HLA-F: variants seen among roughly 807,000 people sequenced by gnomAD.
HLA-F encodes major histocompatibility complex, class I, F.
In HLA-F, 46 loss-of-function variants were observed where a neutral mutation model predicts 49.5. The ratio of observed to expected loss-of-function variants is 0.93; its 90% CI spans 0.73 to 1.19. The LOEUF (loss-of-function observed/expected upper bound fraction) is 1.19, where lower values mean the gene tolerates loss of function less well. Among genes scored for constraint, HLA-F ranks in the 50% most tolerant of loss-of-function variants. The pLI is 0.00. For missense variants in HLA-F, 496 were observed against 579.6 expected (o/e 0.86, Z 1.48); for synonymous variants, 203 against 233.5 (o/e 0.87, Z 1.19).
At chr6:29,723,961 C>T (rs746722149) in intron 2 of HLA-F, 34 bp downstream of exon 2, 1 of 1,576,658 alleles carries the variant, frequency 6.3e-7, no homozygotes. Flanking sequence ...CAGGTCACGA[C>T]CACCCCCCAT....
At chr6:29,725,362 A>C (rs1197366556) in intron 4 of HLA-F, 56 bp downstream of exon 4, 5 of 1,611,542 alleles carry the variant, frequency 3.1e-6, no homozygotes, top group Non-Finnish European at 4.2e-6. Context: ...TTCTCAGGGA[A>C]AGCAGGAGCC....
intron 3 of HLA-F, among the ~76,000 whole-genome samples, chr6:29,733,593 C>T (rs1776810612): frequency 6.6e-6 from 1 of 152,204 alleles, no homozygotes; most frequent in Non-Finnish European, 1.5e-5. Context: ...ATAGTCACTT[C>T]TCTCCAGCTT....
chr6:29,723,592 G>A, intron 1 of HLA-F, 65 bp downstream of exon 1: 1 of 1,599,520 alleles, frequency 6.3e-7, no homozygotes, highest in Non-Finnish European at 8.5e-7. Context: ...CCCGGTGGGG[G>A]CGCAGGACTC....
chr6:29,731,164 T>C (rs1056491307), downstream of HLA-F, among the ~76,000 whole-genome samples: 3 of 152,214 alleles, frequency 2.0e-5, no homozygotes, highest in African/African-American at 7.2e-5. Context: ...TGACAGATTC[T>C]ATTTGTTTAT....
chr6:29,727,907 C>G (rs1248064697), downstream of HLA-F: 1 of 504,502 alleles, frequency 2.0e-6, no homozygotes, highest in Admixed American at 2.0e-5. Context: ...CCTGTCTTCT[C>G]CAGCCCCACT....
intron 3 of HLA-F, among the ~76,000 whole-genome samples, chr6:29,732,390 T>G (rs2127596400): frequency 6.6e-6 from 1 of 152,322 alleles, no homozygotes; most frequent in East Asian, 1.9e-4. Flanking sequence ...AGAACTCAGT[T>G]ACATCACCTC....
chr6:29,726,559 A>ATGTGTGTG (rs9278276), intron 6 of HLA-F: 56 of 1,354,328 alleles, frequency 4.1e-5, no homozygotes, highest in East Asian at 5.1e-5. Context: ...ATGCACGTAA[A>ATGTGTGTG]TGTGTGTGTG....
At chr6:29,723,987 CG>C in intron 2 of HLA-F, 60 bp downstream of exon 2, 1 of 1,558,562 alleles carries the variant, frequency 6.4e-7, no homozygotes, top group Non-Finnish European at 8.7e-7. Flanking sequence ...ACGGACCGCC[CG>C]GGTCCCTCAG....
intron 6 of HLA-F, 59 bp from the exon 7 acceptor site, chr6:29,726,824 G>C: frequency 1.3e-6 from 2 of 1,570,744 alleles, no homozygotes; most frequent in South Asian, 1.1e-5. Flanking sequence ...TCTGGTGCTT[G>C]TTGGCTTTAA....
At chr6:29,737,811 T>C (rs1777247635) in intron 3 of HLA-F, 1 of 152,266 alleles carries the variant, frequency 6.6e-6, no homozygotes. Flanking sequence ...CAGGGCTACC[T>C]TACATCTGGG....
downstream of HLA-F, among the ~76,000 whole-genome samples, chr6:29,731,232 C>CATAGATAGATG (rs1776563041): frequency 1.2e-5 from 1 of 81,590 alleles, no homozygotes; most frequent in Admixed American, 1.3e-4. Flanking sequence ...TAGATGGATA[C>CATAGATAGATG]ATAGATAGAT....
intron 3 of HLA-F, among the ~76,000 whole-genome samples, chr6:29,733,297 A>C (rs572955854): frequency 6.6e-6 from 1 of 152,368 alleles, no homozygotes; most frequent in African/African-American, 2.4e-5. Flanking sequence ...AGGAAGGTTC[A>C]ACAATACAAT....
intron 3 of HLA-F, 35 bp downstream of exon 3, chr6:29,724,483 G>A (rs1455388521): frequency 6.2e-7 from 1 of 1,604,870 alleles, no homozygotes; most frequent in South Asian, 1.1e-5. Context: ...CCTATCTCCT[G>A]TAGATCTCTT....
chr6:29,734,736 A>G (rs1776912844), intron 3 of HLA-F, among the ~76,000 whole-genome samples: 1 of 152,154 alleles, frequency 6.6e-6, no homozygotes, highest in Admixed American at 6.5e-5. Context: ...TAGGTTCGCA[A>G]TGTTATGTAG....
downstream of HLA-F, chr6:29,728,470 C>T (rs1418361190): frequency 5.7e-6 from 1 of 174,796 alleles, no homozygotes; most frequent in African/African-American, 2.4e-5. Flanking sequence ...CAAGACACTA[C>T]TCTTCTGCCA....
At chr6:29,729,769 A>G (rs1233065436), downstream of HLA-F, among the ~76,000 whole-genome samples, 1 of 152,276 alleles carries the variant, frequency 6.6e-6, no homozygotes, top group African/African-American at 2.4e-5. Flanking sequence ...ATTAATATCC[A>G]GAATACATAA....
chr6:29,724,502 C>T, intron 3 of HLA-F, 54 bp downstream of exon 3: 1 of 1,582,944 alleles, frequency 6.3e-7, no homozygotes, highest in South Asian at 1.1e-5. Flanking sequence ...TTGGGATGGC[C>T]TCGCACAAGG....
chr6:29,731,344 A>T (rs1312793650), downstream of HLA-F, among the ~76,000 whole-genome samples: 1 of 152,166 alleles, frequency 6.6e-6, no homozygotes, highest in Non-Finnish European at 1.5e-5. Context: ...GATCCATGAG[A>T]GGCCACCTGC....
downstream of HLA-F, chr6:29,728,359 A>G: frequency 3.2e-6 from 1 of 314,938 alleles, no homozygotes; most frequent in South Asian, 2.7e-5. Flanking sequence ...GGGTCCAGGA[A>G]CCCACCTTCC....
Sources: allele counts gnomAD v4.1 joint callset (sites outside exome capture counted in the v4.1 genomes callset), GRCh38; gene constraint gnomAD v4.1.1; transcripts MANE v1.5; gene names NCBI Gene and HGNC (gene_info 2026-07-23, HGNC 2026-07-21).